The following ALK variants were observed in gnomAD, a reference collection of about 807,000 sequenced individuals.
The protein encoded by ALK is ALK receptor tyrosine kinase, also known as ALK tyrosine kinase receptor.
A neutral mutation model predicts 163.1 loss-of-function variants in ALK; 74 were observed. The observed-to-expected ratio is 0.45, with a 90% CI of 0.38 to 0.55. The LOEUF (loss-of-function observed/expected upper bound fraction) is 0.55, where lower values mean the gene tolerates loss of function less well. Among genes scored for constraint, ALK ranks in the 20% least tolerant of loss-of-function variants. The pLI, the probability that ALK is intolerant of heterozygous loss-of-function variation, is 0.00. For missense variants in ALK, 2,063 were observed against 2,105.3 expected, an observed-to-expected ratio of 0.98 and a Z score of 0.39; for synonymous variants, 960 against 843.2, an observed-to-expected ratio of 1.14 and a Z score of -2.40.
rs535719779 is a variant in ALK at position 29,503,423 on chromosome 2, G to A, written c.1154+28492C>T. Among the ~76,000 whole-genome samples, 9 of 152,294 alleles carry A rather than the reference G, an allele frequency of 5.9e-5. No homozygotes were observed. The East Asian group carries it at 1.7e-3, about 29-fold the overall frequency. ...TGTATTTGATTATGAGTGAAGGTTG[G>A]TGGAGATGGAAAAGCCGTGATATCT... On this transcript the variant is annotated intron_variant, in intron 4 of 28. Coordinates refer to ENST00000389048, the MANE Select transcript of ALK (RefSeq NM_004304.5).
intron 8 of ALK, among the ~76,000 whole-genome samples, chr2:29,316,812 A>C (rs1201705072): frequency 6.6e-6 from 1 of 152,226 alleles, no homozygotes; most frequent in African/African-American, 2.4e-5. Context: ...ATTCTTCCAA[A>C]AAGGATTTAA....
chr2:29,888,471 C>T (rs1667051612), intron 1 of ALK, among the ~76,000 whole-genome samples: 1 of 152,004 alleles, frequency 6.6e-6, no homozygotes, highest in Admixed American at 6.5e-5. Context: ...GGGACTTTTC[C>T]CTTTTTCCCA....
chr2:29,852,133 A>G (rs1384776599), intron 1 of ALK, among the ~76,000 whole-genome samples: 2 of 152,206 alleles, frequency 1.3e-5, no homozygotes, highest in African/African-American at 2.4e-5. Context: ...CGAAGCCCCT[A>G]TGTAGCGTTT....
At chr2:29,638,680 C>A (rs944322875) in intron 3 of ALK, among the ~76,000 whole-genome samples, 1 of 152,124 alleles carries the variant, frequency 6.6e-6, no homozygotes, top group Non-Finnish European at 1.5e-5. Flanking sequence ...CATGGAGTGG[C>A]CTGTTTCTTG....
intron 3 of ALK, among the ~76,000 whole-genome samples, chr2:29,578,006 G>A (rs1195688213): frequency 1.3e-5 from 2 of 151,440 alleles, no homozygotes; most frequent in East Asian, 1.9e-4. Context: ...AGGAAGAAGA[G>A]TGAATCTTGA....
At chr2:29,917,484 T>C (rs982669041) in intron 1 of ALK, among the ~76,000 whole-genome samples, 8 of 152,194 alleles carry the variant, frequency 5.3e-5, no homozygotes, top group African/African-American at 1.7e-4. Flanking sequence ...TGAATTTTCA[T>C]AGGGAAAATG....
At chr2:29,591,364 G>C (rs966024365) in intron 3 of ALK, among the ~76,000 whole-genome samples, 1 of 152,126 alleles carries the variant, frequency 6.6e-6, no homozygotes, top group Non-Finnish European at 1.5e-5. Flanking sequence ...GGATCTTAAA[G>C]ACTACTTGGC....
At chr2:29,855,870 A>G (rs1232397710) in intron 1 of ALK, among the ~76,000 whole-genome samples, 1 of 152,228 alleles carries the variant, frequency 6.6e-6, no homozygotes, top group Non-Finnish European at 1.5e-5. Flanking sequence ...TGCTATGTCT[A>G]TAGAATCATC....
At chr2:29,649,781 A>G (rs1676989400) in intron 3 of ALK, among the ~76,000 whole-genome samples, 1 of 151,992 alleles carries the variant, frequency 6.6e-6, no homozygotes, top group Non-Finnish European at 1.5e-5. Context: ...TATTCCATTT[A>G]GGGTCCCTCT....
At chr2:29,715,633 C>T (rs1679227075) in intron 2 of ALK, among the ~76,000 whole-genome samples, 1 of 152,190 alleles carries the variant, frequency 6.6e-6, no homozygotes, top group African/African-American at 2.4e-5. Flanking sequence ...TAGATTTACC[C>T]CTTGGGGCAT....
intron 3 of ALK, among the ~76,000 whole-genome samples, chr2:29,540,278 T>C (rs1338063309): frequency 6.6e-6 from 1 of 152,158 alleles, no homozygotes; most frequent in African/African-American, 2.4e-5. Flanking sequence ...CTCAAGATAT[T>C]TTAAGACCTT....
intron 1 of ALK, among the ~76,000 whole-genome samples, chr2:29,828,124 C>T (rs1433125122): frequency 6.6e-6 from 1 of 152,154 alleles, no homozygotes; most frequent in Non-Finnish European, 1.5e-5. Context: ...ATGTAGAAAG[C>T]TGAAACTGGA....
At chr2:29,455,432 G>A (rs930890548) in intron 4 of ALK, among the ~76,000 whole-genome samples, 2 of 152,116 alleles carry the variant, frequency 1.3e-5, no homozygotes, top group Non-Finnish European at 2.9e-5. Flanking sequence ...TCCTGTGTGC[G>A]GGGGACAGAA....
chr2:29,853,212 A>G (rs1346419484), intron 1 of ALK, among the ~76,000 whole-genome samples: 1 of 151,744 alleles, frequency 6.6e-6, no homozygotes, highest in Non-Finnish European at 1.5e-5. Context: ...TTATCTCTCC[A>G]CTCCCCAGCT....
At chr2:29,711,185 T>G (rs1679087773) in intron 2 of ALK, among the ~76,000 whole-genome samples, 3 of 152,140 alleles carry the variant, frequency 2.0e-5, no homozygotes, top group Admixed American at 1.3e-4. Context: ...CTCCTGAGCA[T>G]TCTCAGAGTA....
intron 1 of ALK, among the ~76,000 whole-genome samples, chr2:29,878,287 A>C (rs1222522510): frequency 6.6e-6 from 1 of 152,202 alleles, no homozygotes; most frequent in Non-Finnish European, 1.5e-5. Context: ...AAAAGTTATA[A>C]GCCTTTGGGA....
At chr2:29,862,460 A>C (rs1366542466) in intron 1 of ALK, among the ~76,000 whole-genome samples, 1 of 152,224 alleles carries the variant, frequency 6.6e-6, no homozygotes, top group African/African-American at 2.4e-5. Flanking sequence ...CATCATATGA[A>C]ATCATCATAC....
rs2148443543 is a variant in ALK, at chr2:29,920,349, G to A, written c.311C>T (p.Pro104Leu). The change falls in exon 1 of 29, where the codon CCG becomes CTG. Residue 104 changes from proline to leucine, a missense_variant. Transcript: ENST00000389048. ...DCAPLLRLLG[P>L]APGVSWTAGS... is the part of the protein sequence containing the mutation. ...GGCGGTCCAGGAGACCCCCGGCGCC[G>A]GCCCCAGCAACCTGAGCAGCGGGGC... 1 of 1,551,862 alleles carries A rather than the reference G, an allele frequency of 6.4e-7. No individual in the cohort carries two copies. The highest frequency in any genetic ancestry group is 1.4e-5 in the African/African-American group (1 of 73,348).
intron 4 of ALK, among the ~76,000 whole-genome samples, chr2:29,460,061 T>C (rs988272844): frequency 7.2e-5 from 11 of 152,178 alleles, no homozygotes; most frequent in African/African-American, 1.2e-4. Context: ...CCATCCACCC[T>C]GGAGCCTTGC....
Sources: gnomAD v4.1 joint callset for allele counts (sites outside exome capture counted in the v4.1 genomes callset) on GRCh38, gnomAD v4.1.1 for gene constraint, MANE v1.5 for transcripts, NCBI Gene and HGNC (gene_info 2026-07-23, HGNC 2026-07-21) for gene names.